WLS: variants seen among roughly 807,000 people sequenced by gnomAD.
The protein encoded by WLS is protein wntless homolog.
Under a neutral mutation model 62.8 loss-of-function variants are expected in WLS, and 23 were observed. The ratio of observed to expected loss-of-function variants is 0.37; its 90% CI spans 0.26 to 0.52. The LOEUF (loss-of-function observed/expected upper bound fraction) is 0.52, where lower values mean the gene tolerates loss of function less well. Ranked by LOEUF, WLS falls within the 20% of genes least tolerant of loss-of-function variation. WLS has a pLI of 0.92. For synonymous variants in WLS, 246 were observed against 244.1 expected, an observed-to-expected ratio of 1.01 and a Z score of -0.07; for missense variants, 615 against 697.3, an observed-to-expected ratio of 0.88 and a Z score of 1.33.
chr1:68,112,308 C>T (rs1488062277), intron 11 of WLS, among the ~76,000 whole-genome samples: 1 of 152,170 alleles, frequency 6.6e-6, no homozygotes, highest in Middle Eastern at 3.2e-3. Context: ...CATTCTCTAC[C>T]AATTCAGCAG....
At chr1:68,167,531 G>A (rs1647077707) in intron 2 of WLS, among the ~76,000 whole-genome samples, 1 of 152,178 alleles carries the variant, frequency 6.6e-6, no homozygotes, top group Non-Finnish European at 1.5e-5. Context: ...AACTCCCTGG[G>A]AGAATGGCAG....
At chr1:68,125,165 G>A (rs546533185), downstream of WLS, among the ~76,000 whole-genome samples, 20 of 152,266 alleles carry the variant, frequency 1.3e-4, no homozygotes, top group East Asian at 3.5e-3. Context: ...TTGTTGTCAC[G>A]CATATGAGCA....
intron 11 of WLS, among the ~76,000 whole-genome samples, chr1:68,130,320 C>A (rs930111664): frequency 2.0e-5 from 3 of 152,126 alleles, no homozygotes; most frequent in Non-Finnish European, 4.4e-5. Context: ...CCATCCTCAC[C>A]ACTACCAATG....
chr1:68,169,613 TA>T (rs1647116408), intron 2 of WLS, among the ~76,000 whole-genome samples: 6 of 152,190 alleles, frequency 3.9e-5, no homozygotes, highest in Admixed American at 3.9e-4. Context: ...TCAACTCTAC[TA>T]GGTGTCTTTC....
intron 11 of WLS, among the ~76,000 whole-genome samples, chr1:68,103,156 A>C (rs978756748): frequency 1.3e-5 from 2 of 152,176 alleles, no homozygotes; most frequent in Non-Finnish European, 2.9e-5. Flanking sequence ...ACTTCTCTTA[A>C]CATCAGACTC....
chr1:68,193,426 AAAAAAAAAAAAAAAAACG>A (rs1648466904), intron 2 of WLS, among the ~76,000 whole-genome samples: 2 of 127,394 alleles, frequency 1.6e-5, no homozygotes, highest in Admixed American at 7.8e-5. Flanking sequence ...AAAAAAAAAA[AAAAAAAAAAAAAAAAACG>A]AAAAAAAAAC....
chr1:68,197,284 T>C (rs946632988), intron 1 of WLS, among the ~76,000 whole-genome samples: 1 of 151,976 alleles, frequency 6.6e-6, no homozygotes, highest in Non-Finnish European at 1.5e-5. Flanking sequence ...TGCATTATTT[T>C]CATCCTCTCA....
At chr1:68,101,356 T>C (rs190830499) in intron 11 of WLS, among the ~76,000 whole-genome samples, 3 of 152,112 alleles carry the variant, frequency 2.0e-5, no homozygotes, top group African/African-American at 7.2e-5. Context: ...AGAAGAGAAA[T>C]AGTTTTCCTT....
Position 68,155,236 on chromosome 1 carries a change from A to G in WLS, c.529T>C (p.Tyr177His), listed in dbSNP as rs777430073. Residue 177 changes from tyrosine to histidine, a missense_variant, in exon 4 of 12, where the codon TAT becomes CAT. Coordinates refer to ENST00000262348, the MANE Select transcript of WLS (RefSeq NM_024911.7). ...PKTPEHEGRY[Y>H]ECDVLPFMEI... Reference sequence around the variant, plus strand: ...ATGAAAGGAAGGACATCACATTCATAGTAACGGCCCTCATGCTCTGGAGTC... The same window carrying G: ...ATGAAAGGAAGGACATCACATTCATGGTAACGGCCCTCATGCTCTGGAGTC... The G allele has an allele frequency of 6.2e-7, 1 of 1,613,750 alleles. No homozygotes were observed. Among genetic ancestry groups the G allele is most frequent in the Non-Finnish European group, 8.5e-7 (1 of 1,179,800 alleles).
At chr1:68,225,181 G>A (rs576680414) in intron 1 of WLS, among the ~76,000 whole-genome samples, 78 of 152,042 alleles carry the variant, frequency 5.1e-4, no homozygotes, top group African/African-American at 1.8e-3. Context: ...AATGTGGGGG[G>A]TGGGGGGAAG....
intron 11 of WLS, among the ~76,000 whole-genome samples, chr1:68,136,679 G>A (rs1313603726): frequency 6.6e-6 from 1 of 152,184 alleles, no homozygotes; most frequent in Non-Finnish European, 1.5e-5. Flanking sequence ...TCCATTGAAT[G>A]TCATTTGCTG....
At position 68,190,064 on chromosome 1, in the gene WLS, T is replaced by C. The variant is rs373341439; in HGVS notation, c.379+3891A>G. On this transcript the variant is annotated intron_variant, in intron 2 of 11. Transcript: ENST00000262348. ...TATGTCCTAAAAGTTTTACATAAAC[T>C]AATTTATTCCTTAGAGTGAGTTGGT... 4.3e-4 allele frequency among the ~76,000 whole-genome samples: 65 copies of C among 152,370 alleles called. 1 individual carries two copies. In the South Asian group the frequency reaches 0.013, roughly 30 times the overall value.
At chr1:68,231,870 G>GC (rs1553139408) in intron 1 of WLS, 2,677 of 232,944 alleles carry the variant, frequency 0.011, 170 homozygotes, top group African/African-American at 0.016. Flanking sequence ...GGGGGGGGGG[G>GC]GGCGAGCAAT....
chr1:68,144,079 T>C (rs2100445896), intron 10 of WLS, among the ~76,000 whole-genome samples: 1 of 152,354 alleles, frequency 6.6e-6, no homozygotes, highest in African/African-American at 2.4e-5. Flanking sequence ...ATGATTGTTA[T>C]TGAGATTTTC....
At chr1:68,158,578 T>C (rs1646931287) in intron 3 of WLS, among the ~76,000 whole-genome samples, 1 of 150,834 alleles carries the variant, frequency 6.6e-6, no homozygotes, top group South Asian at 2.1e-4. Context: ...ACACTAATAA[T>C]AGCTGATGAG....
chr1:68,192,987 T>C (rs1179181178), intron 2 of WLS, among the ~76,000 whole-genome samples: 1 of 149,372 alleles, frequency 6.7e-6, no homozygotes, highest in Admixed American at 6.7e-5. Context: ...TGGGTGCCTG[T>C]AATCCCAGCT....
chr1:68,162,163 A>C (rs1646986025), intron 2 of WLS: 1 of 1,461,256 alleles, frequency 6.8e-7, no homozygotes. Context: ...TGCATCTTTC[A>C]ACGGACCCTG....
intron 3 of WLS, among the ~76,000 whole-genome samples, 169 bp downstream of exon 3, chr1:68,158,954 A>T (rs1646936110): frequency 6.6e-6 from 1 of 152,260 alleles, no homozygotes; most frequent in Non-Finnish European, 1.5e-5. Context: ...AAGCAAAGTT[A>T]GGAAAGGCCC....
At chr1:68,099,133 A>G (rs1448693711) in intron 11 of WLS, among the ~76,000 whole-genome samples, 5 of 152,286 alleles carry the variant, frequency 3.3e-5, no homozygotes, top group African/African-American at 1.2e-4. Context: ...CAGCACAGGC[A>G]CTGGGGGATA....
Sources: allele counts gnomAD v4.1 joint callset (sites outside exome capture counted in the v4.1 genomes callset), GRCh38; gene constraint gnomAD v4.1.1; transcripts MANE v1.5; gene names NCBI Gene and HGNC (gene_info 2026-07-23, HGNC 2026-07-21).